B3GAT2: variants seen among roughly 807,000 people sequenced by gnomAD.
The protein encoded by B3GAT2 is galactosylgalactosylxylosylprotein 3-beta-glucuronosyltransferase 2.
A neutral mutation model predicts 27.8 loss-of-function variants in B3GAT2; 26 were observed. That is an observed-to-expected ratio of 0.93 (90% CI 0.68 to 1.30). The LOEUF (loss-of-function observed/expected upper bound fraction) is 1.30. Ranked by LOEUF, B3GAT2 falls within the 50% of genes most tolerant of loss-of-function variation. The pLI, the probability that B3GAT2 is intolerant of heterozygous loss-of-function variation, is 0.00. For missense variants in B3GAT2, 458 were observed against 459.0 expected (o/e 1.00, Z 0.02); for synonymous variants, 218 against 195.1 (o/e 1.12, Z -0.98).
At chr6:70,868,656 T>C (rs911277959) in intron 2 of B3GAT2, among the ~76,000 whole-genome samples, 1 of 152,234 alleles carries the variant, frequency 6.6e-6, no homozygotes, top group African/African-American at 2.4e-5. Flanking sequence ...TCCTAGAGTA[T>C]TGGGCTCTTG....
At chr6:70,920,273 T>C (rs1051361421) in intron 1 of B3GAT2, among the ~76,000 whole-genome samples, 2 of 152,218 alleles carry the variant, frequency 1.3e-5, no homozygotes, top group Non-Finnish European at 2.9e-5. Context: ...GCGAATACCG[T>C]GGGAAAAGTG....
At position 70,858,523 on chromosome 6, in the gene B3GAT2, TCTCAGGCATCATGAGACTCC is replaced by T; in HGVS notation, c.*3120_*3139del. The T allele has an allele frequency of 4.4e-6, 1 of 226,868 alleles. No homozygotes were observed. Among genetic ancestry groups the T allele is most frequent in the East Asian group, 1.1e-4 (1 of 8,888 alleles). The allele number at this position is 226,868 out of a possible 1,614,324, so 14.1% of individuals were successfully genotyped here. ...GAACACCACTAATGGCCAGAAATTATCTCAGGCATCATGAGACTCCCTCTCTGTCACCTCTGAGATTAGCA... is the reference window on the plus strand; with the variant it reads ...GAACACCACTAATGGCCAGAAATTATCTCTCTGTCACCTCTGAGATTAGCA... On this transcript the variant is annotated 3_prime_UTR_variant, in exon 4 of 4. Coordinates refer to ENST00000230053, the MANE Select transcript of B3GAT2 (RefSeq NM_080742.3).
At chr6:70,954,228 T>C (rs1285600138) in intron 1 of B3GAT2, among the ~76,000 whole-genome samples, 2 of 152,208 alleles carry the variant, frequency 1.3e-5, no homozygotes, top group Non-Finnish European at 2.9e-5. Flanking sequence ...TTTTTTCTTT[T>C]GGAGGGGGGA....
chr6:70,864,937 TA>T (rs1180824815), intron 2 of B3GAT2, among the ~76,000 whole-genome samples: 18 of 146,254 alleles, frequency 1.2e-4, no homozygotes, highest in Non-Finnish European at 1.4e-4. Flanking sequence ...GTCAGCTGAG[TA>T]AAAAAAAAAA....
chr6:70,883,938 G>C (rs1021128076), intron 2 of B3GAT2, among the ~76,000 whole-genome samples: 1 of 151,754 alleles, frequency 6.6e-6, no homozygotes, highest in African/African-American at 2.4e-5. Context: ...TCTGTCATGA[G>C]GTTATCCCAC....
At chr6:70,921,955 A>G (rs1772877797) in intron 1 of B3GAT2, among the ~76,000 whole-genome samples, 1 of 152,130 alleles carries the variant, frequency 6.6e-6, no homozygotes, top group African/African-American at 2.4e-5. Flanking sequence ...AGAGGTTAGA[A>G]AGCTGCTGCA....
At chr6:70,906,473 G>A (rs1772604945) in intron 1 of B3GAT2, among the ~76,000 whole-genome samples, 1 of 152,074 alleles carries the variant, frequency 6.6e-6, no homozygotes, top group Non-Finnish European at 1.5e-5. Context: ...CCAGCTAGCT[G>A]GGGACTGCAG....
intron 1 of B3GAT2, among the ~76,000 whole-genome samples, chr6:70,911,081 GC>G (rs1772682417): frequency 6.6e-6 from 1 of 152,060 alleles, no homozygotes; most frequent in Non-Finnish European, 1.5e-5. Context: ...TTTGTCAGAT[GC>G]ATACTTTACA....
At chr6:70,943,393 C>G (rs1765423662) in intron 1 of B3GAT2, among the ~76,000 whole-genome samples, 1 of 152,208 alleles carries the variant, frequency 6.6e-6, no homozygotes, top group South Asian at 2.1e-4. Context: ...GGAGCCATCT[C>G]AGCCACATTG....
intron 1 of B3GAT2, among the ~76,000 whole-genome samples, chr6:70,928,097 T>A (rs575643549): frequency 2.0e-5 from 3 of 151,854 alleles, no homozygotes; most frequent in South Asian, 2.1e-4. Context: ...GGGTACATAA[T>A]GAAATGAAGG....
chr6:70,937,771 C>T (rs1484041067), intron 1 of B3GAT2, among the ~76,000 whole-genome samples: 1 of 152,052 alleles, frequency 6.6e-6, no homozygotes, highest in Non-Finnish European at 1.5e-5. Flanking sequence ...TAAGAGCTAT[C>T]TATGACAAGC....
In B3GAT2 at chr6:70,860,322, A is replaced by G. The variant is rs1582329546; in HGVS notation, c.*1341T>C. On this transcript the variant is annotated 3_prime_UTR_variant, in exon 4 of 4. Transcript: ENST00000230053. ...CATCAGGTCAGACTCTCAGCACACAACTGTGGAAATGAAAACTGCAATACA... is the reference window on the plus strand; with the variant it reads ...CATCAGGTCAGACTCTCAGCACACAGCTGTGGAAATGAAAACTGCAATACA... 2.5e-6 allele frequency: 4 copies of G among 1,607,576 alleles called. No homozygotes were observed. The highest frequency in any genetic ancestry group is 3.4e-6 in the Non-Finnish European group (4 of 1,178,284).
rs1241619390 is a variant in B3GAT2 at position 70,856,948 on chromosome 6, A to C, written c.*4715T>G. ...TCACTGAGCAAACTACAAAATCAGA[A>C]GAAGTGGCAAAGAAACAACTTTCCA... On this transcript the variant is annotated 3_prime_UTR_variant, in exon 4 of 4. Transcript: ENST00000230053. 3.1e-6 allele frequency: 5 copies of C among 1,614,004 alleles called. No individual in the cohort carries two copies. The South Asian group carries it at 4.4e-5, about 14-fold the overall frequency.
At chr6:70,951,793 C>T (rs749811971) in intron 1 of B3GAT2, among the ~76,000 whole-genome samples, 10 of 152,042 alleles carry the variant, frequency 6.6e-5, no homozygotes, top group African/African-American at 1.7e-4. Flanking sequence ...TTTATCAGAC[C>T]TATGGCATGA....
chr6:70,897,607 G>T (rs565256462), intron 1 of B3GAT2, among the ~76,000 whole-genome samples: 49 of 149,892 alleles, frequency 3.3e-4, no homozygotes, highest in African/African-American at 1.2e-3. Context: ...GGTGTGGTGG[G>T]GAACACCTGT....
intron 2 of B3GAT2, among the ~76,000 whole-genome samples, chr6:70,864,388 G>A (rs1157751480): frequency 6.6e-6 from 1 of 152,190 alleles, no homozygotes; most frequent in Non-Finnish European, 1.5e-5. Context: ...TACAATTTAT[G>A]TAAAGTTAAC....
chr6:70,948,030 A>T (rs1202285780), intron 1 of B3GAT2, among the ~76,000 whole-genome samples: 1 of 151,886 alleles, frequency 6.6e-6, no homozygotes, highest in Non-Finnish European at 1.5e-5. Flanking sequence ...AAATTCAACA[A>T]CCCTTCATGC....
At chr6:70,904,049 AT>A (rs1286061300) in intron 1 of B3GAT2, among the ~76,000 whole-genome samples, 5 of 152,220 alleles carry the variant, frequency 3.3e-5, no homozygotes, top group African/African-American at 1.2e-4. Flanking sequence ...ATGGACTGCT[AT>A]TCAGTAAGAG....
chr6:70,856,774 T>G lies in B3GAT2; in HGVS notation c.*4889A>C. On this transcript the variant is annotated 3_prime_UTR_variant, in exon 4 of 4. Coordinates refer to ENST00000230053, the MANE Select transcript of B3GAT2 (RefSeq NM_080742.3). The stretch of plus-strand genomic sequence containing the variant: ...ACAATTGTTTGATTCCTATCTAATT[T>G]TATAACTTTATTTGGATTTTAAGTA... 7.3e-7 allele frequency: 1 copy of G among 1,365,456 alleles called. No individual in the cohort carries two copies. Among genetic ancestry groups the G allele is most frequent in the Non-Finnish European group, 9.8e-7 (1 of 1,016,192 alleles). 84.6% of individuals were successfully genotyped at this position (1,365,456 alleles called of 1,614,324 possible). A position where few individuals can be genotyped will look rare whatever the true frequency, so the allele number is the denominator to read the frequency against.
Sources: gnomAD v4.1 joint callset for allele counts (sites outside exome capture counted in the v4.1 genomes callset) on GRCh38, gnomAD v4.1.1 for gene constraint, MANE v1.5 for transcripts, NCBI Gene and HGNC (gene_info 2026-07-23, HGNC 2026-07-21) for gene names.